The following ATP9B variants were observed in gnomAD, a reference collection of about 807,000 sequenced individuals.
The protein encoded by ATP9B is ATPase phospholipid transporting 9B, also known as probable phospholipid-transporting ATPase IIB.
ATP9B carries 110 observed loss-of-function variants against 146.1 expected under a neutral mutation model. That is an observed-to-expected ratio of 0.75 (90% confidence interval 0.65 to 0.88). ATP9B has a LOEUF of 0.88. Ranked by LOEUF, ATP9B falls within the 40% of genes least tolerant of loss-of-function variation. The probability of loss-of-function intolerance (pLI) is 0.00; values close to 1 mark genes in which losing one functional copy is unlikely to be tolerated. For missense variants in ATP9B, 1,499 were observed against 1,496.4 expected (o/e 1.00, Z -0.03); for synonymous variants, 604 against 569.7 (o/e 1.06, Z -0.86).
chr18:79,193,389 T>C, intron 9 of ATP9B, 126 bp downstream of exon 9: 1 of 775,074 alleles, frequency 1.3e-6, no homozygotes, highest in Middle Eastern at 2.7e-4. Flanking sequence ...AGGGAAAACC[T>C]ATATAATGTT....
chr18:79,214,028 CA>C lies in ATP9B; in HGVS notation c.1103del (p.Asn368IlefsTer13). On this transcript the variant is annotated frameshift_variant, in exon 11 of 30. Coordinates refer to ENST00000426216, the MANE Select transcript of ATP9B (RefSeq NM_198531.5). LOFTEE classifies it high-confidence loss of function. The part of the protein sequence containing the change: ...ETRSVMNTSN[P>X]KNKVGLLDLE... ...CGAAGTGTAATGAACACATCCAATC[CA>C]AAAAATAAGGTAGGCTAGATTGAGG... The C allele has an allele frequency of 6.3e-7, 1 of 1,593,914 alleles. No individual in the cohort carries two copies. The highest frequency in any genetic ancestry group is 1.8e-5 in the Admixed American group (1 of 54,186).
chr18:79,245,639 CCTA>C (rs1348678061), intron 11 of ATP9B, among the ~76,000 whole-genome samples: 2 of 140,078 alleles, frequency 1.4e-5, no homozygotes, highest in African/African-American at 5.5e-5. Context: ...AGGGTACCGC[CCTA>C]CTGACTGAGG....
At chr18:79,225,217 T>C (rs984980594) in intron 11 of ATP9B, among the ~76,000 whole-genome samples, 1 of 152,248 alleles carries the variant, frequency 6.6e-6, no homozygotes, top group East Asian at 1.9e-4. Flanking sequence ...TTTTGTTTAA[T>C]TTTATTTTAT....
At chr18:79,190,034 A>G (rs1295472699) in intron 8 of ATP9B, among the ~76,000 whole-genome samples, 1 of 151,728 alleles carries the variant, frequency 6.6e-6, no homozygotes, top group Admixed American at 6.6e-5. Flanking sequence ...CCTTGCACGC[A>G]CTCCCCGCAG....
At chr18:79,070,508 T>A (rs759344652) in intron 1 of ATP9B, among the ~76,000 whole-genome samples, 1 of 152,260 alleles carries the variant, frequency 6.6e-6, no homozygotes, top group Non-Finnish European at 1.5e-5. Context: ...GTAGAACATG[T>A]GTAAGGTGCC....
chr18:79,114,184 T>C (rs1375644021), intron 4 of ATP9B, among the ~76,000 whole-genome samples: 1 of 152,158 alleles, frequency 6.6e-6, no homozygotes, highest in Non-Finnish European at 1.5e-5. Context: ...GGTCTCGAAC[T>C]CCTCACCTCA....
chr18:79,218,318 T>C (rs1451165195), intron 11 of ATP9B, among the ~76,000 whole-genome samples: 4 of 151,336 alleles, frequency 2.6e-5, no homozygotes, highest in Non-Finnish European at 4.4e-5. Context: ...CTGGTCATGT[T>C]TTCCTTGTGT....
At chr18:79,072,377 C>T (rs2071962289) in intron 1 of ATP9B, among the ~76,000 whole-genome samples, 2 of 152,136 alleles carry the variant, frequency 1.3e-5, no homozygotes, top group South Asian at 4.2e-4. Context: ...TGCCTTCAAG[C>T]ATCTGTTTAA....
intron 12 of ATP9B, among the ~76,000 whole-genome samples, chr18:79,262,921 C>T (rs2096159237): frequency 1.3e-5 from 2 of 152,116 alleles, no homozygotes; most frequent in Admixed American, 6.5e-5. Flanking sequence ...TTGCACAATT[C>T]ATTTCATTTC....
At chr18:79,184,663 A>G (rs1348609974) in intron 8 of ATP9B, among the ~76,000 whole-genome samples, 1 of 152,120 alleles carries the variant, frequency 6.6e-6, no homozygotes, top group Non-Finnish European at 1.5e-5. Context: ...GGTTAGTGCT[A>G]CTGTTTCATG....
At chr18:79,220,745 A>G (rs1351367688) in intron 11 of ATP9B, among the ~76,000 whole-genome samples, 1 of 152,252 alleles carries the variant, frequency 6.6e-6, no homozygotes, top group Non-Finnish European at 1.5e-5. Context: ...GGTTGCTTGT[A>G]GATCTCTTAT....
intron 26 of ATP9B, among the ~76,000 whole-genome samples, chr18:79,372,016 A>G (rs7226407): frequency 0.5 from 75,080 of 151,384 alleles, 18,865 homozygotes; most frequent in East Asian, 0.7. Flanking sequence ...GGTGTCAAAC[A>G]AAGGCCTCAC....
At chr18:79,225,778 CTGAG>C (rs2095726015) in intron 11 of ATP9B, among the ~76,000 whole-genome samples, 1 of 132,628 alleles carries the variant, frequency 7.5e-6, no homozygotes, top group African/African-American at 3.2e-5. Context: ...TCTTCAGCGT[CTGAG>C]TGACTCTTGG....
At chr18:79,236,875 G>T (rs1048932904) in intron 11 of ATP9B, among the ~76,000 whole-genome samples, 2 of 115,694 alleles carry the variant, frequency 1.7e-5, no homozygotes, top group African/African-American at 6.9e-5. Flanking sequence ...GCACGAGTCA[G>T]TGTCCACACC....
intron 15 of ATP9B, among the ~76,000 whole-genome samples, chr18:79,313,545 T>G (rs2096663887): frequency 6.6e-6 from 1 of 152,258 alleles, no homozygotes; most frequent in Non-Finnish European, 1.5e-5. Context: ...CAAAGAAAAC[T>G]GTATTTGAAG....
intron 1 of ATP9B, among the ~76,000 whole-genome samples, chr18:79,077,108 T>G (rs977418520): frequency 6.6e-6 from 1 of 152,258 alleles, no homozygotes; most frequent in African/African-American, 2.4e-5. Context: ...CTGTGTTGTT[T>G]TGATGTTGAC....
intron 1 of ATP9B, chr18:79,085,669 G>A (rs1013937423): frequency 1.9e-4 from 29 of 152,196 alleles, no homozygotes; most frequent in African/African-American, 6.3e-4. Flanking sequence ...GTTGAATGAA[G>A]AATGAATGAC....
chr18:79,156,200 A>G (rs561244772), intron 7 of ATP9B, among the ~76,000 whole-genome samples: 3 of 152,246 alleles, frequency 2.0e-5, no homozygotes, highest in African/African-American at 7.2e-5. Flanking sequence ...GTGTTGTTTC[A>G]TGTGAGCTTT....
intron 13 of ATP9B, among the ~76,000 whole-genome samples, chr18:79,303,205 C>CA (rs1396388163): frequency 1.3e-5 from 2 of 151,932 alleles, no homozygotes; most frequent in African/African-American, 4.8e-5. Context: ...CTACAAAAAA[C>CA]AAAAAAATTA....
Sources: gnomAD v4.1 joint callset for allele counts (sites outside exome capture counted in the v4.1 genomes callset) on GRCh38, gnomAD v4.1.1 for gene constraint, MANE v1.5 for transcripts, NCBI Gene and HGNC (gene_info 2026-07-23, HGNC 2026-07-21) for gene names.